Variants in IL1RAPL1 observed in about 807,000 individuals in gnomAD.
IL1RAPL1 encodes the protein interleukin-1 receptor accessory protein-like 1.
In IL1RAPL1, 3 loss-of-function variants were observed where a neutral mutation model predicts 48.4. The ratio of observed to expected loss-of-function variants is 0.06; its 90% CI spans 0.03 to 0.16. IL1RAPL1 has a LOEUF of 0.16. IL1RAPL1 is among the 10% of genes least tolerant of loss of function. The pLI, the probability that IL1RAPL1 is intolerant of heterozygous loss-of-function variation, is 1.00. For synonymous variants in IL1RAPL1, 185 were observed against 187.7 expected (o/e 0.99, Z 0.12); for missense variants, 349 against 530.6 (o/e 0.66, Z 3.36).
chrX:29,760,211 T>G (rs1928722626), intron 6 of IL1RAPL1, among the ~76,000 whole-genome samples: 1 of 111,487 alleles, frequency 9.0e-6, no homozygotes, highest in Admixed American at 9.6e-5. Context: ...TGTGGACAAT[T>G]TCTTATAAAG....
At chrX:29,638,665 A>AC (rs1925055854) in intron 5 of IL1RAPL1, among the ~76,000 whole-genome samples, 1 of 112,067 alleles carries the variant, frequency 8.9e-6, no homozygotes, top group Non-Finnish European at 1.9e-5. Flanking sequence ...ATATACAAAT[A>AC]CATATGTGAA....
In IL1RAPL1 at chrX:28,989,173, C is replaced by T. The variant is rs141799194; in HGVS notation, c.82+199748C>T. ...AGCTGAAAGAGAGGCACTGGGATAG[C>T]GCCATCACAACTGTTCACAAAATTC... On this transcript the variant is annotated intron_variant, in intron 2 of 10. Coordinates refer to ENST00000378993, the MANE Select transcript of IL1RAPL1 (RefSeq NM_014271.4). Among the ~76,000 whole-genome samples, 532 of 112,248 alleles carry T rather than the reference C, an allele frequency of 4.7e-3. 2 individuals carry two copies. Among genetic ancestry groups the T allele is most frequent in the African/African-American group, 0.016 (506 of 30,951 alleles).
intron 2 of IL1RAPL1, among the ~76,000 whole-genome samples, chrX:29,115,093 A>G (rs1291399864): frequency 8.9e-6 from 1 of 111,913 alleles, no homozygotes; most frequent in African/African-American, 3.2e-5. Flanking sequence ...CCCATGAATT[A>G]TTTGGAACTG....
intron 2 of IL1RAPL1, among the ~76,000 whole-genome samples, chrX:29,115,607 C>T (rs752585925): frequency 7.3e-5 from 8 of 109,080 alleles, no homozygotes; most frequent in Admixed American, 2.0e-4. Context: ...TTTCTGTTCT[C>T]GGTGTTTATA....
At chrX:29,074,531 C>A (rs1372517155) in intron 2 of IL1RAPL1, among the ~76,000 whole-genome samples, 1 of 112,191 alleles carries the variant, frequency 8.9e-6, no homozygotes, top group South Asian at 3.7e-4. Context: ...AATAAAAGCA[C>A]GTACTGCAAA....
At chrX:29,476,946 T>TCTCGG (rs1410212640) in intron 5 of IL1RAPL1, among the ~76,000 whole-genome samples, 1 of 89,682 alleles carries the variant, frequency 1.1e-5, no homozygotes, top group African/African-American at 4.6e-5. Context: ...AGTGGCGCAA[T>TCTCGG]CTCGGCTCAC....
chrX:29,630,832 C>T (rs769368259), intron 5 of IL1RAPL1, among the ~76,000 whole-genome samples: 2 of 112,217 alleles, frequency 1.8e-5, no homozygotes, highest in East Asian at 2.8e-4. Flanking sequence ...GCCACCGCGC[C>T]CAGCCCTCTC....
In IL1RAPL1 at chrX:28,920,521, C is replaced by G. The variant is rs188671233; in HGVS notation, c.82+131096C>G. On this transcript the variant is annotated intron_variant, in intron 2 of 10. Coordinates refer to ENST00000378993, the MANE Select transcript of IL1RAPL1 (RefSeq NM_014271.4). ...CTTTTGGTAGCATTTGCAGCAGCAG[C>G]AGGAAAAAAAAATAGTCCTAGTAGA... Among the ~76,000 whole-genome samples, 39 of 110,882 alleles carry G rather than the reference C, an allele frequency of 3.5e-4. No homozygotes were observed. The East Asian group carries it at 7.4e-3, about 21-fold the overall frequency.
At chrX:29,183,907 C>T (rs756572486) in intron 2 of IL1RAPL1, among the ~76,000 whole-genome samples, 7 of 111,588 alleles carry the variant, frequency 6.3e-5, no homozygotes, top group South Asian at 7.4e-4. Context: ...TTGGTCAGGC[C>T]GGTCTCGAAC....
At chrX:28,703,176 C>T (rs1223499653) in intron 1 of IL1RAPL1, among the ~76,000 whole-genome samples, 2 of 111,297 alleles carry the variant, frequency 1.8e-5, no homozygotes, top group African/African-American at 6.5e-5. Flanking sequence ...TTACTTTCTA[C>T]CTGTGTGGCC....
At chrX:29,261,410 G>C (rs1931857502) in intron 2 of IL1RAPL1, among the ~76,000 whole-genome samples, 1 of 111,067 alleles carries the variant, frequency 9.0e-6, no homozygotes, top group African/African-American at 3.3e-5. Context: ...CCATGCCTTA[G>C]GCTAAATTCT....
chrX:29,004,009 G>A (rs1925918338), intron 2 of IL1RAPL1, among the ~76,000 whole-genome samples: 1 of 111,027 alleles, frequency 9.0e-6, no homozygotes, highest in African/African-American at 3.3e-5. Flanking sequence ...AGATGTGGTG[G>A]TGTGTACCTG....
At chrX:28,850,122 A>G (rs1921621370) in intron 2 of IL1RAPL1, among the ~76,000 whole-genome samples, 1 of 112,435 alleles carries the variant, frequency 8.9e-6, no homozygotes, top group Non-Finnish European at 1.9e-5. Context: ...TTTATCCATA[A>G]GTATTTGATT....
intron 2 of IL1RAPL1, among the ~76,000 whole-genome samples, chrX:29,281,546 C>T (rs113951368): frequency 3.5e-4 from 39 of 111,273 alleles, no homozygotes; most frequent in African/African-American, 1.2e-3. Flanking sequence ...TACACTTCTC[C>T]GATTCTCCCA....
At chrX:28,751,966 CAA>C (rs751481334) in intron 1 of IL1RAPL1, among the ~76,000 whole-genome samples, 3 of 111,198 alleles carry the variant, frequency 2.7e-5, no homozygotes, top group Non-Finnish European at 5.7e-5. Context: ...TTCTCTAAGC[CAA>C]AGTTTCTTAA....
intron 5 of IL1RAPL1, among the ~76,000 whole-genome samples, chrX:29,522,418 C>T (rs1296261860): frequency 1.8e-5 from 2 of 111,432 alleles, no homozygotes; most frequent in Admixed American, 9.6e-5. Flanking sequence ...ACCTCAGTCT[C>T]CCAAAGTGCT....
At position 29,782,385 on chromosome X, in the gene IL1RAPL1, C is replaced by T. The variant is rs137948597; in HGVS notation, c.778+113881C>T. Among the ~76,000 whole-genome samples the T allele has an allele frequency of 2.7e-3, 299 of 110,827 alleles. 1 individual carries two copies. Among genetic ancestry groups the T allele is most frequent in the African/African-American group, 9.4e-3 (287 of 30,466 alleles). ...CATACATTTTGCGTAACCTAGTGGC[C>T]CTTAATGTATAAATATTGCATGTTT... is the stretch of plus-strand genomic sequence containing the variant. On this transcript the variant is annotated intron_variant, in intron 6 of 10. Coordinates refer to ENST00000378993, the MANE Select transcript of IL1RAPL1 (RefSeq NM_014271.4).
chrX:28,908,354 T>C (rs1923273222), intron 2 of IL1RAPL1, among the ~76,000 whole-genome samples: 1 of 111,696 alleles, frequency 9.0e-6, no homozygotes, highest in African/African-American at 3.2e-5. Flanking sequence ...TTCCCTTAAG[T>C]AGTATGTTCA....
chrX:29,612,240 C>T (rs1278316027), intron 5 of IL1RAPL1, among the ~76,000 whole-genome samples: 1 of 109,848 alleles, frequency 9.1e-6, no homozygotes, highest in Non-Finnish European at 1.9e-5. Context: ...GTCAATGGAC[C>T]CTTTAGTAAT....
Sources: allele counts gnomAD v4.1 joint callset (sites outside exome capture counted in the v4.1 genomes callset), GRCh38; gene constraint gnomAD v4.1.1; transcripts MANE v1.5; gene names NCBI Gene and HGNC (gene_info 2026-07-23, HGNC 2026-07-21).